The following SHROOM2 variants were observed in gnomAD, a reference collection of about 807,000 sequenced individuals.
The protein encoded by SHROOM2 is protein Shroom2.
A neutral mutation model predicts 75.9 loss-of-function variants in SHROOM2; 33 were observed. That is an observed-to-expected ratio of 0.43 (90% CI 0.33 to 0.58). The LOEUF (loss-of-function observed/expected upper bound fraction) is 0.58. Ranked by LOEUF, SHROOM2 falls within the 20% of genes least tolerant of loss-of-function variation. The pLI is 0.04. For synonymous variants in SHROOM2, 655 were observed against 663.6 expected, an observed-to-expected ratio of 0.99 and a Z score of 0.20; for missense variants, 1,434 against 1,461.2, an observed-to-expected ratio of 0.98 and a Z score of 0.30.
At chrX:9,791,439 G>C (rs978470888) in intron 1 of SHROOM2, among the ~76,000 whole-genome samples, 1 of 112,289 alleles carries the variant, frequency 8.9e-6, no homozygotes, top group Admixed American at 9.5e-5. Context: ...CTGGGGCTCT[G>C]TGGAACTTTT....
rs768964673 is a variant in SHROOM2 at position 9,792,725 on chromosome X, A to AT, written c.165+6028dup. The stretch of plus-strand genomic sequence containing the variant: ...AGGGAAGGGGCAAGCATGATAGCGT[A>AT]TTTTTTTTTTTTTAAGACAGATTCT... On this transcript the variant is annotated intron_variant, in intron 1 of 9. Transcript: ENST00000380913. Among the ~76,000 whole-genome samples the AT allele has an allele frequency of 2.2e-3, 222 of 101,848 alleles. 1 individual carries two copies. The highest frequency in any genetic ancestry group is 0.014 in the East Asian group (46 of 3,245). The allele number at this position is 101,848 out of a possible 115,157, so 88.4% of individuals were successfully genotyped here. A position where few individuals can be genotyped will look rare whatever the true frequency, so the allele number is the denominator to read the frequency against.
At chrX:9,883,222 G>A (rs1462757651) in intron 2 of SHROOM2, among the ~76,000 whole-genome samples, 2 of 112,372 alleles carry the variant, frequency 1.8e-5, no homozygotes, top group Non-Finnish European at 3.8e-5. Context: ...AAGGAAGGGT[G>A]GAAGTTGATC....
chrX:9,835,678 G>A (rs1046600038), intron 1 of SHROOM2, among the ~76,000 whole-genome samples: 1 of 111,309 alleles, frequency 9.0e-6, no homozygotes, highest in Non-Finnish European at 1.9e-5. Context: ...GGGGTACTGG[G>A]TGCAGAAGCC....
Position 9,896,199 on chromosome X carries a change from C to G in SHROOM2, c.2291C>G (p.Ser764Trp), listed in dbSNP as rs1442536064. Residue 764 changes from serine (S) to tryptophan (W), a missense_variant, in exon 4 of 10, where the codon TCG (serine) becomes TGG (tryptophan). Transcript: ENST00000380913. ...FTAEQKLKSY[S>W]EPEKMNEVGL... ...GCTGAGCAGAAATTGAAGTCCTACT[C>G]GGAACCTGAGAAGATGAACGAGGTG... 4.1e-6 allele frequency: 5 copies of G among 1,211,203 alleles called. No homozygotes were observed. The highest frequency in any genetic ancestry group is 5.6e-6 in the Non-Finnish European group (5 of 895,359).
intron 5 of SHROOM2, among the ~76,000 whole-genome samples, chrX:9,930,613 C>T (rs1309651138): frequency 9.0e-6 from 1 of 111,563 alleles, no homozygotes; most frequent in African/African-American, 3.3e-5. Context: ...GTGGGGGAGA[C>T]ATCTGACCTG....
At chrX:9,904,413 G>A (rs1601980515) in intron 5 of SHROOM2, among the ~76,000 whole-genome samples, 1 of 111,756 alleles carries the variant, frequency 8.9e-6, no homozygotes, top group Non-Finnish European at 1.9e-5. Context: ...AGCTGTACTC[G>A]CACAGGATCC....
intron 1 of SHROOM2, among the ~76,000 whole-genome samples, chrX:9,802,925 C>CTTTTTTTTTTTT (rs764750698): frequency 1.2e-5 from 1 of 86,819 alleles, no homozygotes; most frequent in African/African-American, 4.6e-5. Context: ...CTGCAGATTT[C>CTTTTTTTTTTTT]TTTTTTTTTT....
chrX:9,845,649 C>T (rs1247415610), intron 1 of SHROOM2, among the ~76,000 whole-genome samples: 1 of 110,187 alleles, frequency 9.1e-6, no homozygotes, highest in African/African-American at 3.3e-5. Flanking sequence ...CTCACCTCTG[C>T]GCACACCAGC....
chrX:9,845,319 T>C (rs970028295), intron 1 of SHROOM2, among the ~76,000 whole-genome samples: 2 of 112,122 alleles, frequency 1.8e-5, no homozygotes, highest in Admixed American at 9.5e-5. Flanking sequence ...CTCTGTTGTT[T>C]AGCAAGCGCT....
At position 9,896,225 on chromosome X, in the gene SHROOM2, G is replaced by A; in HGVS notation, c.2317G>A (p.Gly773Ser). The A allele has an allele frequency of 8.3e-7, 1 of 1,211,697 alleles. No individual in the cohort carries two copies. Among genetic ancestry groups the A allele is most frequent in the Non-Finnish European group, 1.1e-6 (1 of 895,485 alleles). ...YSEPEKMNEV[G>S]LTRGYSPHQH... ...GGAACCTGAGAAGATGAACGAGGTG[G>A]GCCTCACGAGGGGCTACAGTCCTCA... The change falls in exon 4 of 10, where the codon GGC (glycine) becomes AGC (serine). Residue 773 changes from glycine to serine, a missense_variant. Around this residue, in one of 3 missense-constraint regions of SHROOM2, gnomAD observed 1,340 missense variants for 1,338.3 expected, o/e 1.00. Transcript: ENST00000380913.
intron 1 of SHROOM2, among the ~76,000 whole-genome samples, chrX:9,831,155 G>A (rs5934697): frequency 9.0e-6 from 1 of 111,014 alleles, no homozygotes; most frequent in Admixed American, 9.6e-5. Context: ...GGTTAGTGCC[G>A]TAGATGTGGT....
chrX:9,807,371 C>G (rs1030949863), intron 1 of SHROOM2, among the ~76,000 whole-genome samples: 9 of 112,110 alleles, frequency 8.0e-5, no homozygotes, highest in African/African-American at 2.3e-4. Flanking sequence ...CAGAGTGTCC[C>G]CAGGAGCAAG....
intron 2 of SHROOM2, among the ~76,000 whole-genome samples, chrX:9,879,125 C>T (rs986510076): frequency 2.7e-5 from 3 of 111,265 alleles, no homozygotes; most frequent in African/African-American, 6.5e-5. Context: ...GCGGTGGCTA[C>T]TGACAGGCAC....
At chrX:9,883,149 C>G (rs765421709) in intron 2 of SHROOM2, among the ~76,000 whole-genome samples, 1 of 112,485 alleles carries the variant, frequency 8.9e-6, no homozygotes, top group African/African-American at 3.2e-5. Context: ...CTTTAGGTCC[C>G]GTCTTCCAGG....
intron 5 of SHROOM2, among the ~76,000 whole-genome samples, chrX:9,909,545 G>A (rs1004081442): frequency 6.5e-4 from 73 of 112,131 alleles, no homozygotes; most frequent in African/African-American, 2.3e-3. Context: ...AACTTCACCA[G>A]GCGATCAGGG....
intron 5 of SHROOM2, among the ~76,000 whole-genome samples, chrX:9,911,830 C>G (rs1485938779): frequency 9.0e-6 from 1 of 110,842 alleles, no homozygotes; most frequent in East Asian, 2.8e-4. Flanking sequence ...TTTTCTTTTT[C>G]CTCCTTATGG....
intron 1 of SHROOM2, among the ~76,000 whole-genome samples, chrX:9,843,273 G>T (rs1601940414): frequency 9.4e-6 from 1 of 106,545 alleles, no homozygotes; most frequent in Non-Finnish European, 1.9e-5. Context: ...TGGTATATTT[G>T]TCCAAGCAAT....
At chrX:9,902,255 A>G (rs1442744119) in intron 5 of SHROOM2, among the ~76,000 whole-genome samples, 1 of 108,291 alleles carries the variant, frequency 9.2e-6, no homozygotes, top group African/African-American at 3.4e-5. Context: ...GGATAAGTAG[A>G]TGGATGGATG....
chrX:9,890,574 G>A (rs1041755154), intron 2 of SHROOM2, among the ~76,000 whole-genome samples: 4 of 113,670 alleles, frequency 3.5e-5, no homozygotes, highest in African/African-American at 6.4e-5. Context: ...ACAAGCGTGC[G>A]CGCTGTGCGC....
Sources: gnomAD v4.1 joint callset for allele counts (sites outside exome capture counted in the v4.1 genomes callset) on GRCh38, gnomAD v4.1.1 for gene constraint, gnomAD v4.1.1 regional missense constraint, MANE v1.5 for transcripts, NCBI Gene and HGNC (gene_info 2026-07-23, HGNC 2026-07-21) for gene names.